ANKAR: variants seen among roughly 807,000 people sequenced by gnomAD.
ANKAR encodes the protein ankyrin and armadillo repeat-containing protein.
A neutral mutation model predicts 146.2 loss-of-function variants in ANKAR; 136 were observed. The ratio of observed to expected loss-of-function variants is 0.93; its 90% CI spans 0.81 to 1.07. The LOEUF is 1.07. ANKAR is among the 50% of genes least tolerant of loss of function. The pLI, the probability that ANKAR is intolerant of heterozygous loss-of-function variation, is 0.00. For synonymous variants in ANKAR, 500 were observed against 575.8 expected (o/e 0.87, Z 1.88); for missense variants, 1,567 against 1,679.9 (o/e 0.93, Z 1.18).
At chr2:189,752,998 C>A (rs1006660521) in intron 18 of ANKAR, 17 of 1,591,576 alleles carry the variant, frequency 1.1e-5, no homozygotes, top group African/African-American at 1.4e-5. Context: ...ATTGAGAAAA[C>A]CAAAATAACT....
chr2:189,710,723 C>T (rs2039573845), intron 9 of ANKAR, among the ~76,000 whole-genome samples: 1 of 152,140 alleles, frequency 6.6e-6, no homozygotes, highest in African/African-American at 2.4e-5. Flanking sequence ...ATTACCTGAG[C>T]CCAGGGAGAT....
At chr2:189,686,206 A>G (rs1378035677) in intron 2 of ANKAR, among the ~76,000 whole-genome samples, 1 of 152,240 alleles carries the variant, frequency 6.6e-6, no homozygotes, top group African/African-American at 2.4e-5. Flanking sequence ...GCCTTTTTAA[A>G]AAAAAGATTT....
chr2:189,762,616 G>A (rs1020404117), downstream of ANKAR: 3 of 985,448 alleles, frequency 3.0e-6, no homozygotes, highest in Non-Finnish European at 3.6e-6. Context: ...GGCGACGGGC[G>A]CAAACTGGAA....
At chr2:189,760,384 G>A (rs1192455880) in intron 18 of ANKAR, among the ~76,000 whole-genome samples, 4 of 152,044 alleles carry the variant, frequency 2.6e-5, no homozygotes, top group Admixed American at 6.6e-5. Flanking sequence ...GGGCAGAGGC[G>A]CCCCCACCTC....
chr2:189,676,781 T>C lies in ANKAR; in HGVS notation c.291T>C (p.Tyr97=). The C allele has an allele frequency of 6.2e-7, 1 of 1,614,176 alleles. No homozygotes were observed. The highest frequency in any genetic ancestry group is 2.2e-5 in the East Asian group (1 of 44,884). The change falls in exon 2 of 23, where the codon TAT becomes TAC. Residue 97 remains tyrosine (Y), a synonymous_variant. Transcript: ENST00000684021. ...TGGACCCTACTGCCCTCTTAGACTA[T>C]AGAGAGGTCCATCAAATGATAAGAG... ...TPVDPTALLD[Y]REVHQMIREL... is the part of the protein sequence containing the mutation.
intron 12 of ANKAR, among the ~76,000 whole-genome samples, chr2:189,721,320 A>T (rs913765019): frequency 1.1e-4 from 16 of 152,122 alleles, no homozygotes; most frequent in African/African-American, 3.4e-4. Flanking sequence ...GGGCTTATAA[A>T]AATAATTGAC....
chr2:189,693,292 CAAT>C (rs1450992531), intron 5 of ANKAR, 115 bp downstream of exon 5: 11 of 647,126 alleles, frequency 1.7e-5, no homozygotes, highest in Admixed American at 3.3e-5. Flanking sequence ...GGCGATTCCA[CAAT>C]AATAACCACC....
At chr2:189,694,804 A>G (rs888847017) in intron 5 of ANKAR, among the ~76,000 whole-genome samples, 177 bp from the exon 6 acceptor site, 9 of 152,322 alleles carry the variant, frequency 5.9e-5, no homozygotes, top group African/African-American at 2.2e-4. Flanking sequence ...TTATATAAAG[A>G]CTTGATTAAT....
At chr2:189,704,695 C>G (rs1428266217) in intron 7 of ANKAR, among the ~76,000 whole-genome samples, 1 of 147,430 alleles carries the variant, frequency 6.8e-6, no homozygotes, top group African/African-American at 2.5e-5. Flanking sequence ...TACACATTGA[C>G]TTAAATTTTC....
At chr2:189,684,784 A>G (rs1437682172) in intron 2 of ANKAR, among the ~76,000 whole-genome samples, 1 of 150,760 alleles carries the variant, frequency 6.6e-6, no homozygotes, top group African/African-American at 2.4e-5. Context: ...CCGTGAGCCA[A>G]GATCATACCA....
chr2:189,755,021 CTT>C lies in ANKAR; in HGVS notation c.*585-6075_*585-6074del, dbSNP rs1006080848. On this transcript the variant is annotated intron_variant and NMD_transcript_variant, in intron 18 of 18. Transcript: ENST00000441800. Reference sequence around the variant, plus strand: ...AAGAATTATAAAATTGTGTACTACTCTTTCTATTTTTTCTCACCATATGTGAA... The same window carrying C: ...AAGAATTATAAAATTGTGTACTACTCTCTATTTTTTCTCACCATATGTGAA... 6 of 836,884 alleles carry C rather than the reference CTT, an allele frequency of 7.2e-6. No homozygotes were observed. The African/African-American group carries it at 1.0e-4, about 14-fold the overall frequency. The allele number at this position is 836,884 out of a possible 1,614,324, so 51.8% of individuals were successfully genotyped here.
chr2:189,695,094 T>C lies in ANKAR; in HGVS notation c.1421T>C (p.Leu474Pro), dbSNP rs777188349. Reference sequence around the variant, plus strand: ...AATCTGAGACTGAAAAGACTTCCACTGACAGATGCTCAATTACATGAACAA... The same window carrying C: ...AATCTGAGACTGAAAAGACTTCCACCGACAGATGCTCAATTACATGAACAA... ...VNNLRLKRLPLTDAQLHEQFK... is the reference protein window; with the variant it reads ...VNNLRLKRLPPTDAQLHEQFK... The change falls in exon 6 of 23, where the codon CTG becomes CCG. Residue 474 changes from leucine to proline, a missense_variant. Coordinates refer to ENST00000684021, the MANE Select transcript of ANKAR (RefSeq NM_001378068.1). The C allele has an allele frequency of 6.2e-7, 1 of 1,612,642 alleles. No homozygotes were observed. The highest frequency in any genetic ancestry group is 8.5e-7 in the Non-Finnish European group (1 of 1,179,424).
chr2:189,679,978 G>C (rs1471824272), intron 2 of ANKAR, among the ~76,000 whole-genome samples: 5 of 152,208 alleles, frequency 3.3e-5, no homozygotes, highest in Admixed American at 1.3e-4. Flanking sequence ...AATAATGTAG[G>C]GAGAATTCCC....
At chr2:189,695,457 G>C (rs951984788) in intron 6 of ANKAR, among the ~76,000 whole-genome samples, 1 of 152,188 alleles carries the variant, frequency 6.6e-6, no homozygotes, top group Non-Finnish European at 1.5e-5. Flanking sequence ...GGTACGACTA[G>C]TTCTATTATT....
downstream of ANKAR, among the ~76,000 whole-genome samples, chr2:189,749,236 A>C (rs1316914612): frequency 1.9e-5 from 2 of 103,944 alleles, no homozygotes; most frequent in Non-Finnish European, 3.8e-5. Context: ...ACAGAGCGAG[A>C]CTCTGTCTAA....
intron 20 of ANKAR, among the ~76,000 whole-genome samples, chr2:189,742,905 GACACACACACACAC>G (rs397987025): frequency 0.099 from 3,314 of 33,420 alleles, 242 homozygotes; most frequent in Middle Eastern, 0.16. Context: ...AGAATTACCT[GACACACACACACAC>G]ACACACACAC....
downstream of ANKAR, among the ~76,000 whole-genome samples, chr2:189,748,173 G>A (rs2044458951): frequency 6.6e-6 from 1 of 152,148 alleles, no homozygotes; most frequent in Non-Finnish European, 1.5e-5. Context: ...CAAAGTCAGT[G>A]GGTGAGTGAG....
At position 189,755,137 on chromosome 2, in the gene ANKAR, T is replaced by C. The variant is rs774863053; in HGVS notation, c.*585-5961T>C. On this transcript the variant is annotated intron_variant and NMD_transcript_variant, in intron 18 of 18. Transcript: ENST00000441800. Reference sequence around the variant, plus strand: ...TGCTACTTAGTTGAAATGGACAACATAACAAAAAAGAATGGAGAAATTAAT... The same window carrying C: ...TGCTACTTAGTTGAAATGGACAACACAACAAAAAAGAATGGAGAAATTAAT... 4 of 1,586,818 alleles carry C rather than the reference T, an allele frequency of 2.5e-6. No individual in the cohort carries two copies. The South Asian group carries it at 3.5e-5, about 14-fold the overall frequency.
At chr2:189,750,581 T>C (rs188654149), downstream of ANKAR, 65 of 1,558,652 alleles carry the variant, frequency 4.2e-5, no homozygotes, top group Admixed American at 1.1e-3. Context: ...GCAGAAATCA[T>C]ATCTCCATTT....
Sources: gnomAD v4.1 joint callset for allele counts (sites outside exome capture counted in the v4.1 genomes callset) on GRCh38, gnomAD v4.1.1 for gene constraint, MANE v1.5 for transcripts, NCBI Gene and HGNC (gene_info 2026-07-23, HGNC 2026-07-21) for gene names.